Variants in SLIT3 observed in about 807,000 individuals in gnomAD.
The protein encoded by SLIT3 is slit guidance ligand 3.
SLIT3 carries 68 observed loss-of-function variants against 184.0 expected under a neutral mutation model. The ratio of observed to expected loss-of-function variants is 0.37; its 90% CI spans 0.30 to 0.45. The LOEUF (loss-of-function observed/expected upper bound fraction) is 0.45, where lower values mean the gene tolerates loss of function less well. SLIT3 is among the 20% of genes least tolerant of loss of function. The probability of loss-of-function intolerance (pLI) is 1.00; values close to 1 mark genes in which losing one functional copy is unlikely to be tolerated. For missense variants in SLIT3, 1,707 were observed against 2,026.0 expected, an observed-to-expected ratio of 0.84 and a Z score of 3.02; for synonymous variants, 831 against 828.6, an observed-to-expected ratio of 1.00 and a Z score of -0.05.
In SLIT3 at chr5:168,684,101, A is replaced by G. The variant is rs1761673121; in HGVS notation, c.3556-5T>C. ...GTTGTCCTTGTCAGTGGCCACCTGG[A>G]GAAAGCAGCCGGGGCGTGTTAGTAA... On this transcript the variant is annotated splice_region_variant and splice_polypyrimidine_tract_variant and intron_variant, in intron 31 of 35. Transcript: ENST00000519560. The G allele has an allele frequency of 6.3e-7, 1 of 1,587,670 alleles. No individual in the cohort carries two copies. Among genetic ancestry groups the G allele is most frequent in the Admixed American group, 1.7e-5 (1 of 57,698 alleles).
chr5:168,908,888 C>T (rs1409153958), intron 4 of SLIT3, among the ~76,000 whole-genome samples: 1 of 152,208 alleles, frequency 6.6e-6, no homozygotes, highest in Non-Finnish European at 1.5e-5. Context: ...ATGTTTCTCA[C>T]AGAGAGGTGC....
rs371415416 is a variant in SLIT3 at position 168,919,478 on chromosome 5, CA to C, written c.414-36143del. On this transcript the variant is annotated intron_variant, in intron 4 of 35. Transcript: ENST00000519560. ...GACATAACTATGATATACTGTTAAG[CA>C]AAACAGTAAACTTTAAAATGGGGTG... 2.8e-4 allele frequency among the ~76,000 whole-genome samples: 43 copies of C among 151,984 alleles called. No individual in the cohort carries two copies. The South Asian group carries it at 8.8e-3, about 31-fold the overall frequency.
intron 25 of SLIT3, among the ~76,000 whole-genome samples, chr5:168,709,443 G>A (rs1762479879): frequency 6.6e-6 from 1 of 152,120 alleles, no homozygotes; most frequent in African/African-American, 2.4e-5. Flanking sequence ...TTGTACCCCA[G>A]ACCAATTTAA....
At chr5:169,263,812 C>G (rs560161120) in intron 1 of SLIT3, 1 of 385,444 alleles carries the variant, frequency 2.6e-6, no homozygotes, top group East Asian at 9.9e-5. Flanking sequence ...GGTCTTTCAT[C>G]ACGTTGCCTT....
chr5:169,058,294 C>T (rs140052709), intron 4 of SLIT3, among the ~76,000 whole-genome samples: 30 of 152,330 alleles, frequency 2.0e-4, no homozygotes, highest in Non-Finnish European at 3.1e-4. Context: ...AACACCGATT[C>T]TTTGTCCACC....
At chr5:168,806,836 T>A (rs577837351) in intron 8 of SLIT3, among the ~76,000 whole-genome samples, 2 of 152,176 alleles carry the variant, frequency 1.3e-5, no homozygotes, top group African/African-American at 4.8e-5. Flanking sequence ...GTCATCTCCA[T>A]CTTTTGGAGA....
chr5:168,868,963 A>T (rs1274886023), intron 5 of SLIT3, among the ~76,000 whole-genome samples: 1 of 152,092 alleles, frequency 6.6e-6, no homozygotes, highest in East Asian at 1.9e-4. Flanking sequence ...GTGGCCACAT[A>T]TCAATGGGAC....
chr5:169,175,965 G>A (rs532722886), intron 4 of SLIT3, among the ~76,000 whole-genome samples: 55 of 152,276 alleles, frequency 3.6e-4, no homozygotes, highest in Non-Finnish European at 5.9e-4. Flanking sequence ...AGTCAGCACC[G>A]CTCAGGCAAC....
chr5:168,891,882 C>T (rs746356336), intron 4 of SLIT3, among the ~76,000 whole-genome samples: 19 of 152,128 alleles, frequency 1.2e-4, no homozygotes, highest in African/African-American at 4.1e-4. Flanking sequence ...GGAAGTCGGG[C>T]TGCATGTGGA....
At position 169,240,583 on chromosome 5, in the gene SLIT3, T is replaced by TC. The variant is rs1281263152; in HGVS notation, c.341+4121_341+4122insG. 1.3e-4 allele frequency among the ~76,000 whole-genome samples: 5 copies of TC among 37,842 alleles called. No homozygotes were observed. The East Asian group carries it at 1.8e-3, about 14-fold the overall frequency. 24.8% of individuals were successfully genotyped at this position (37,842 alleles called of 152,430 possible). A position where few individuals can be genotyped will look rare whatever the true frequency, so the allele number is the denominator to read the frequency against. On this transcript the variant is annotated intron_variant, in intron 3 of 35. Transcript: ENST00000519560. ...GTGTTTTCATGCTATCATTTTCTTT[T>TC]TTTTTTTTTTTTTTTTACTTTCAAG...
At chr5:168,825,088 G>A (rs1469753536) in intron 6 of SLIT3, among the ~76,000 whole-genome samples, 1 of 152,158 alleles carries the variant, frequency 6.6e-6, no homozygotes, top group Non-Finnish European at 1.5e-5. Context: ...TTATTTGTGG[G>A]AGGAAACAGG....
chr5:169,178,182 G>T (rs929156707), intron 4 of SLIT3, among the ~76,000 whole-genome samples: 2 of 152,316 alleles, frequency 1.3e-5, no homozygotes, highest in Admixed American at 6.5e-5. Flanking sequence ...AACCAGGGAA[G>T]CATCAATCCT....
chr5:169,264,104 C>G (rs1214471878), intron 1 of SLIT3, among the ~76,000 whole-genome samples: 1 of 151,938 alleles, frequency 6.6e-6, no homozygotes, highest in Non-Finnish European at 1.5e-5. Flanking sequence ...TAACCTAAGA[C>G]TCTCCCCATA....
chr5:168,961,629 C>A (rs1230840924), intron 4 of SLIT3, among the ~76,000 whole-genome samples: 1 of 152,136 alleles, frequency 6.6e-6, no homozygotes, highest in Non-Finnish European at 1.5e-5. Flanking sequence ...TACCAGGGAA[C>A]AGAACCTTCT....
At chr5:169,293,287 A>T (rs1767410278) in intron 1 of SLIT3, among the ~76,000 whole-genome samples, 1 of 152,130 alleles carries the variant, frequency 6.6e-6, no homozygotes. Context: ...TGGTTTTTTT[A>T]ATGGAATAAA....
At chr5:168,918,096 TC>T (rs1562005670) in intron 4 of SLIT3, among the ~76,000 whole-genome samples, 1 of 152,116 alleles carries the variant, frequency 6.6e-6, no homozygotes, top group Non-Finnish European at 1.5e-5. Flanking sequence ...CCTTTTTTTT[TC>T]CCAACATCCT....
chr5:169,282,849 A>G (rs192616972), intron 1 of SLIT3, among the ~76,000 whole-genome samples: 1 of 152,156 alleles, frequency 6.6e-6, no homozygotes, highest in African/African-American at 2.4e-5. Flanking sequence ...CTTGAGGTCA[A>G]TTTTCTCAAA....
intron 4 of SLIT3, among the ~76,000 whole-genome samples, chr5:169,148,468 C>T (rs1762004411): frequency 6.6e-6 from 1 of 152,186 alleles, no homozygotes; most frequent in Non-Finnish European, 1.5e-5. Flanking sequence ...TTGGAATAAA[C>T]ATGTTTGGTG....
intron 4 of SLIT3, among the ~76,000 whole-genome samples, chr5:168,955,025 G>A (rs1762774773): frequency 7.2e-6 from 1 of 138,560 alleles, no homozygotes; most frequent in Admixed American, 8.1e-5. Flanking sequence ...CATTCTGGAG[G>A]AAGGCCTGTT....
Sources: allele counts gnomAD v4.1 joint callset (sites outside exome capture counted in the v4.1 genomes callset), GRCh38; gene constraint gnomAD v4.1.1; transcripts MANE v1.5; gene names NCBI Gene and HGNC (gene_info 2026-07-23, HGNC 2026-07-21).